Variants in CLIP4 observed in about 807,000 individuals in gnomAD.
CLIP4 encodes CAP-Gly domain containing linker protein family member 4.
A neutral mutation model predicts 73.1 loss-of-function variants in CLIP4; 47 were observed. The ratio of observed to expected loss-of-function variants is 0.64; its 90% CI spans 0.51 to 0.82. The LOEUF is 0.82. Ranked by LOEUF, CLIP4 falls within the 40% of genes least tolerant of loss-of-function variation. CLIP4 has a pLI of 0.00. For synonymous variants in CLIP4, 306 were observed against 295.4 expected (o/e 1.04, Z -0.37); for missense variants, 874 against 852.9 (o/e 1.02, Z -0.31).
At chr2:29,146,308 TATCA>T (rs1666162404) in intron 8 of CLIP4, among the ~76,000 whole-genome samples, 1 of 152,146 alleles carries the variant, frequency 6.6e-6, no homozygotes. Context: ...GGGACTTGGT[TATCA>T]AGGAAGTACA....
chr2:29,114,427 G>T (rs993550580), upstream of CLIP4: 3 of 152,286 alleles, frequency 2.0e-5, no homozygotes, highest in Non-Finnish European at 4.4e-5. Flanking sequence ...AAAATCCAGT[G>T]AGGGAGAGAT....
intron 1 of CLIP4, among the ~76,000 whole-genome samples, chr2:29,116,318 C>T (rs547271316): frequency 2.0e-5 from 3 of 152,202 alleles, no homozygotes; most frequent in Non-Finnish European, 4.4e-5. Flanking sequence ...GTTTTCAGCT[C>T]TGTGCTGAGA....
chr2:29,163,054 G>A (rs1667392463), intron 12 of CLIP4, among the ~76,000 whole-genome samples: 1 of 151,558 alleles, frequency 6.6e-6, no homozygotes, highest in Non-Finnish European at 1.5e-5. Flanking sequence ...TGGTCTTGAG[G>A]CACCCTCAAT....
rs1380710569 is a variant in CLIP4 at position 29,183,061 on chromosome 2, T to G, written c.*1168T>G. On this transcript the variant is annotated 3_prime_UTR_variant, in exon 16 of 16. Coordinates refer to ENST00000320081, the MANE Select transcript of CLIP4 (RefSeq NM_024692.6). Reference sequence around the variant, plus strand: ...AGAACTGTATTGTTTTTATTTTCCTTCTTGAGCACATGTTAACAAACTAAG... The same window carrying G: ...AGAACTGTATTGTTTTTATTTTCCTGCTTGAGCACATGTTAACAAACTAAG... The G allele has an allele frequency of 6.6e-6, 1 of 152,422 alleles. No homozygotes were observed. The highest frequency in any genetic ancestry group is 1.5e-5 in the Non-Finnish European group (1 of 68,042). 9.4% of individuals were successfully genotyped at this position (152,422 alleles called of 1,614,324 possible).
chr2:29,130,994 C>A, intron 2 of CLIP4: 1 of 1,052,850 alleles, frequency 9.5e-7, no homozygotes. Flanking sequence ...CGATGTTGAG[C>A]TGGTATTATT....
intron 1 of CLIP4, among the ~76,000 whole-genome samples, chr2:29,105,923 GT>G (rs1438246789): frequency 6.6e-6 from 1 of 152,180 alleles, no homozygotes; most frequent in African/African-American, 2.4e-5. Flanking sequence ...AAGCCACTTT[GT>G]CTATGGCATT....
At chr2:29,166,182 C>T (rs1667603845) in intron 13 of CLIP4, among the ~76,000 whole-genome samples, 1 of 152,096 alleles carries the variant, frequency 6.6e-6, no homozygotes, top group Non-Finnish European at 1.5e-5. Context: ...CTTTGGAACT[C>T]TTGAAAGATA....
rs528474392 is a variant in CLIP4, at chr2:29,146,727, C to T, written c.1021+1360C>T. Among the ~76,000 whole-genome samples the T allele has an allele frequency of 7.2e-5, 11 of 152,174 alleles. 1 individual carries two copies. The South Asian group carries it at 2.1e-3, about 29-fold the overall frequency. On this transcript the variant is annotated intron_variant, in intron 8 of 15. Transcript: ENST00000320081. ...GGAGTCTGACTGCTTTTGTGTGATT[C>T]GATTTCTTTACTTACCAGCTATGTG...
intron 6 of CLIP4, among the ~76,000 whole-genome samples, chr2:29,143,319 A>G (rs1665907216): frequency 6.6e-6 from 1 of 151,770 alleles, no homozygotes; most frequent in Non-Finnish European, 1.5e-5. Flanking sequence ...GCATCTCATC[A>G]GTGAGGCCTC....
chr2:29,150,367 T>C (rs1465054608), intron 8 of CLIP4, among the ~76,000 whole-genome samples: 1 of 152,344 alleles, frequency 6.6e-6, no homozygotes, highest in East Asian at 1.9e-4. Flanking sequence ...AAAAGTGTCC[T>C]TCAGTGACTG....
At chr2:29,109,963 C>A (rs1047409332) in intron 1 of CLIP4, among the ~76,000 whole-genome samples, 3 of 152,086 alleles carry the variant, frequency 2.0e-5, no homozygotes, top group Non-Finnish European at 2.9e-5. Flanking sequence ...TAGGCTGAGG[C>A]AGGAGAATCG....
intron 9 of CLIP4, among the ~76,000 whole-genome samples, chr2:29,154,616 A>G (rs931869466): frequency 6.6e-6 from 1 of 152,240 alleles, no homozygotes; most frequent in African/African-American, 2.4e-5. Context: ...AGGGATGCCC[A>G]GGAGCAGGAA....
At chr2:29,153,037 C>G (rs966809635) in intron 9 of CLIP4, among the ~76,000 whole-genome samples, 4 of 151,982 alleles carry the variant, frequency 2.6e-5, no homozygotes, top group Admixed American at 1.3e-4. Context: ...CCTTTTTTCT[C>G]TTTACTGTCT....
At position 29,167,543 on chromosome 2, in the gene CLIP4, A is replaced by G. The variant is rs143639340; in HGVS notation, c.1723+3A>G. On this transcript the variant is annotated splice_donor_region_variant and intron_variant, in intron 14 of 15. Coordinates refer to ENST00000320081, the MANE Select transcript of CLIP4 (RefSeq NM_024692.6). The stretch of plus-strand genomic sequence containing the variant: ...TAAACAGAACCATTCTTATCCTGGT[A>G]AGACTACACAGTTTTGTGTTCCTAA... 1.8e-5 allele frequency: 28 copies of G among 1,589,270 alleles called. No homozygotes were observed. The Admixed American group carries it at 4.7e-4, about 27-fold the overall frequency.
At chr2:29,177,850 T>G (rs549177417) in intron 15 of CLIP4, among the ~76,000 whole-genome samples, 16 of 152,222 alleles carry the variant, frequency 1.1e-4, no homozygotes, top group Non-Finnish European at 2.2e-4. Context: ...ATAAATATTT[T>G]TGAATGAGTA....
intron 1 of CLIP4, among the ~76,000 whole-genome samples, chr2:29,104,640 G>C (rs1668148870): frequency 6.6e-6 from 1 of 152,184 alleles, no homozygotes; most frequent in Admixed American, 6.5e-5. Context: ...CTCATGCTTG[G>C]GAGTGGCCAG....
intron 15 of CLIP4, among the ~76,000 whole-genome samples, chr2:29,177,447 G>T (rs893679771): frequency 1.3e-5 from 2 of 151,700 alleles, no homozygotes; most frequent in African/African-American, 2.4e-5. Flanking sequence ...TGGGCATGGT[G>T]GCAGGCACCT....
upstream of CLIP4, chr2:29,114,454 T>C (rs991649525): frequency 6.6e-6 from 1 of 152,274 alleles, no homozygotes; most frequent in East Asian, 1.9e-4. Flanking sequence ...AGCTGGATTT[T>C]AGCTCCTAAG....
chr2:29,146,509 C>G (rs1666175048), intron 8 of CLIP4, among the ~76,000 whole-genome samples: 3 of 152,148 alleles, frequency 2.0e-5, no homozygotes, highest in African/African-American at 7.2e-5. Context: ...TTTATTCTTC[C>G]TCTCTCTCAC....
Sources: gnomAD v4.1 joint callset for allele counts (sites outside exome capture counted in the v4.1 genomes callset) on GRCh38, gnomAD v4.1.1 for gene constraint, MANE v1.5 for transcripts, NCBI Gene and HGNC (gene_info 2026-07-23, HGNC 2026-07-21) for gene names.